Variants in ABCA13 observed in about 807,000 individuals in gnomAD.
ABCA13 encodes the protein ATP binding cassette subfamily A member 13.
ABCA13 carries 476 observed loss-of-function variants against 478.7 expected under a neutral mutation model. The ratio of observed to expected loss-of-function variants is 0.99; its 90% CI spans 0.92 to 1.07. The LOEUF is 1.07. ABCA13 is among the 50% of genes least tolerant of loss of function. The pLI, the probability that ABCA13 is intolerant of heterozygous loss-of-function variation, is 0.00. For synonymous variants in ABCA13, 2,252 were observed against 2,158.9 expected, an observed-to-expected ratio of 1.04 and a Z score of -1.20; for missense variants, 6,060 against 5,910.6, an observed-to-expected ratio of 1.03 and a Z score of -0.83.
At chr7:48,524,870 C>T (rs1454733864) in intron 54 of ABCA13, among the ~76,000 whole-genome samples, 1 of 152,126 alleles carries the variant, frequency 6.6e-6, no homozygotes, top group East Asian at 1.9e-4. Flanking sequence ...AGCAATAGCT[C>T]AGGAATTTTT....
intron 23 of ABCA13, among the ~76,000 whole-genome samples, chr7:48,298,988 A>G (rs891250551): frequency 4.6e-5 from 7 of 152,280 alleles, no homozygotes; most frequent in Admixed American, 1.3e-4. Flanking sequence ...GTCATCTCCA[A>G]GCTGAAAAAT....
intron 55 of ABCA13, among the ~76,000 whole-genome samples, chr7:48,559,985 G>C (rs1420436726): frequency 6.6e-6 from 1 of 152,186 alleles, no homozygotes; most frequent in Non-Finnish European, 1.5e-5. Flanking sequence ...TGGGTTGAGG[G>C]AAGGGTGGTG....
intron 45 of ABCA13, among the ~76,000 whole-genome samples, chr7:48,477,729 G>A (rs866810013): frequency 7.6e-5 from 10 of 132,274 alleles, no homozygotes; most frequent in African/African-American, 2.9e-4. Flanking sequence ...ATCACACTCC[G>A]GGGACTGTTG....
chr7:48,470,761 G>A (rs1053488393), intron 44 of ABCA13, among the ~76,000 whole-genome samples: 11 of 152,164 alleles, frequency 7.2e-5, no homozygotes, highest in Non-Finnish European at 1.0e-4. Flanking sequence ...CTGGGATCTC[G>A]ACAGCTGCTT....
intron 23 of ABCA13, among the ~76,000 whole-genome samples, chr7:48,305,536 C>G (rs937377693): frequency 2.0e-5 from 3 of 152,208 alleles, no homozygotes; most frequent in Non-Finnish European, 2.9e-5. Context: ...CTCCAGTTCC[C>G]TTGAATCACT....
In ABCA13 at chr7:48,387,974, G is replaced by A. The variant is rs1585112689; in HGVS notation, c.11473+15G>A. 1.3e-6 allele frequency: 2 copies of A among 1,588,950 alleles called. No individual in the cohort carries two copies. Among genetic ancestry groups the A allele is most frequent in the Non-Finnish European group, 1.7e-6 (2 of 1,171,978 alleles). On this transcript the variant is annotated intron_variant, in intron 36 of 61. Coordinates refer to ENST00000435803, the MANE Select transcript of ABCA13 (RefSeq NM_152701.5). ...TGACAATAAAGGTTTGTAAGGAGTA[G>A]AATTATTAGATGCATGTATTTTTCC... is the stretch of plus-strand genomic sequence containing the variant.
chr7:48,225,136 C>CCTTCCTTCCTTCCTTCCTTT (rs1788000862), intron 5 of ABCA13, among the ~76,000 whole-genome samples: 1 of 83,092 alleles, frequency 1.2e-5, no homozygotes, highest in African/African-American at 5.3e-5. Context: ...TGCCTGCCTG[C>CCTTCCTTCCTTCCTTCCTTT]CTTCCTTCCT....
chr7:48,233,889 C>A, intron 7 of ABCA13, 129 bp from the exon 8 acceptor site: 1 of 991,310 alleles, frequency 1.0e-6, no homozygotes, highest in Non-Finnish European at 1.5e-6. Flanking sequence ...CTATCTGATG[C>A]CCCAGTGGTG....
In ABCA13 at chr7:48,297,274, C is replaced by T. The variant is rs757233391; in HGVS notation, c.9162C>T (p.Pro3054=). 1.9e-6 allele frequency: 3 copies of T among 1,609,766 alleles called. No individual in the cohort carries two copies. Among genetic ancestry groups the T allele is most frequent in the Non-Finnish European group, 2.5e-6 (3 of 1,177,978 alleles). ...AGGAAACTTGGTCATCAGGGAATCC[C>T]ATCATGACTTTTCTCAGCAATTTCA... ...SLEETWSSGN[P]IMTFLSNFTV... Residue 3054 remains proline (P), a synonymous_variant, in exon 22 of 62, where the codon CCC becomes CCT. Transcript: ENST00000435803.
chr7:48,476,836 G>A (rs533326414), intron 45 of ABCA13, among the ~76,000 whole-genome samples: 110 of 152,268 alleles, frequency 7.2e-4, no homozygotes, highest in African/African-American at 2.5e-3. Context: ...AGGCATGGGG[G>A]CATGAAGTGG....
chr7:48,422,322 C>G (rs892318), intron 41 of ABCA13, among the ~76,000 whole-genome samples: 57,525 of 151,934 alleles, frequency 0.38, 11,535 homozygotes, highest in African/African-American at 0.51. Context: ...AGACAGCCTG[C>G]TGTCTTGTTA....
At chr7:48,255,629 G>A (rs1267514545) in intron 15 of ABCA13, among the ~76,000 whole-genome samples, 3 of 152,140 alleles carry the variant, frequency 2.0e-5, no homozygotes, top group Admixed American at 1.3e-4. Context: ...TTACTGCAAA[G>A]GACATGATTT....
Position 48,274,217 on chromosome 7 carries a change from C to T in ABCA13, c.4551C>T (p.Ser1517=), listed in dbSNP as rs1795994810. The change falls in exon 17 of 62, where the codon TCC becomes TCT. Residue 1517 remains serine, a synonymous_variant. Transcript: ENST00000435803. ...LTTDFDFASQ[S]NWRYFTELIL... ...CAGACTTTGATTTTGCATCTCAGTCCAATTGGAGATATTTTACTGAATTAA... is the reference window on the plus strand; with the variant it reads ...CAGACTTTGATTTTGCATCTCAGTCTAATTGGAGATATTTTACTGAATTAA... 2 of 1,612,656 alleles carry T rather than the reference C, an allele frequency of 1.2e-6. No individual in the cohort carries two copies. The highest frequency in any genetic ancestry group is 1.7e-6 in the Non-Finnish European group (2 of 1,179,326).
At chr7:48,585,447 T>C (rs1789090780) in intron 56 of ABCA13, among the ~76,000 whole-genome samples, 1 of 152,300 alleles carries the variant, frequency 6.6e-6, no homozygotes, top group African/African-American at 2.4e-5. Flanking sequence ...CCTAGAATTA[T>C]ACTATTTTAC....
chr7:48,236,678 T>A (rs1526101), intron 8 of ABCA13, among the ~76,000 whole-genome samples: 1 of 152,148 alleles, frequency 6.6e-6, no homozygotes, highest in Non-Finnish European at 1.5e-5. Context: ...TACACTGGGC[T>A]CACCAGGTTA....
In ABCA13 at chr7:48,410,680, A is replaced by G. The variant is rs1818894413; in HGVS notation, c.12228+3A>G. On this transcript the variant is annotated splice_donor_region_variant and intron_variant, in intron 40 of 61. Coordinates refer to ENST00000435803, the MANE Select transcript of ABCA13 (RefSeq NM_152701.5). Reference sequence around the variant, plus strand: ...TCCGCCTGACACTCACGAGGCAGGTAAGGAGTGCAACCATTCTATCTCACT... The same window carrying G: ...TCCGCCTGACACTCACGAGGCAGGTGAGGAGTGCAACCATTCTATCTCACT... 6.8e-6 allele frequency: 11 copies of G among 1,610,750 alleles called. No individual in the cohort carries two copies. In the Admixed American group the frequency reaches 1.8e-4, roughly 27 times the overall value.
At chr7:48,471,815 C>T (rs1227462756) in intron 45 of ABCA13, among the ~76,000 whole-genome samples, 1 of 152,162 alleles carries the variant, frequency 6.6e-6, no homozygotes. Flanking sequence ...TCCTTCATTG[C>T]CTTCTGCCTT....
chr7:48,315,583 C>T (rs956991412), intron 26 of ABCA13, among the ~76,000 whole-genome samples: 1 of 151,982 alleles, frequency 6.6e-6, no homozygotes, highest in African/African-American at 2.4e-5. Flanking sequence ...AGGTTCACGC[C>T]ATTCTCCTGC....
chr7:48,328,773 A>G (rs1477821772), intron 27 of ABCA13, among the ~76,000 whole-genome samples: 1 of 152,204 alleles, frequency 6.6e-6, no homozygotes, highest in Non-Finnish European at 1.5e-5. Flanking sequence ...TTTTAAACAA[A>G]TGAAAAGATG....
Sources: gnomAD v4.1 joint callset for allele counts (sites outside exome capture counted in the v4.1 genomes callset) on GRCh38, gnomAD v4.1.1 for gene constraint, MANE v1.5 for transcripts, NCBI Gene and HGNC (gene_info 2026-07-23, HGNC 2026-07-21) for gene names.